The following SLC2A9 variants were observed in gnomAD, a reference collection of about 807,000 sequenced individuals.
The protein encoded by SLC2A9 is solute carrier family 2 member 9.
Under a neutral mutation model 50.6 loss-of-function variants are expected in SLC2A9, and 39 were observed. The ratio of observed to expected loss-of-function variants is 0.77; its 90% confidence interval spans 0.60 to 1.01. The LOEUF is 1.01. Ranked by LOEUF, SLC2A9 falls within the 50% of genes least tolerant of loss-of-function variation. The pLI, the probability that SLC2A9 is intolerant of heterozygous loss-of-function variation, is 0.00. For synonymous variants in SLC2A9, 324 were observed against 276.9 expected, an observed-to-expected ratio of 1.17 and a Z score of -1.69; for missense variants, 686 against 677.6, an observed-to-expected ratio of 1.01 and a Z score of -0.14.
At chr4:9,948,555 T>C (rs1749628218) in intron 5 of SLC2A9, among the ~76,000 whole-genome samples, 1 of 152,220 alleles carries the variant, frequency 6.6e-6, no homozygotes, top group Non-Finnish European at 1.5e-5. Context: ...GAATTGCCCT[T>C]GAAGGATGTT....
intron 2 of SLC2A9, among the ~76,000 whole-genome samples, chr4:10,008,993 G>T (rs1335755788): frequency 1.7e-5 from 2 of 115,092 alleles, no homozygotes; most frequent in Non-Finnish European, 3.4e-5. Context: ...GAAAAGAGCG[G>T]GGGGTGAGGG....
At chr4:9,786,172 C>T (rs1436005568) in intron 3 of SLC2A9, among the ~76,000 whole-genome samples, 1 of 152,106 alleles carries the variant, frequency 6.6e-6, no homozygotes, top group Non-Finnish European at 1.5e-5. Context: ...GAGACCCAGC[C>T]TGAGCTGGGT....
At chr4:9,850,562 TG>T (rs1438370965) in intron 10 of SLC2A9, among the ~76,000 whole-genome samples, 1 of 152,114 alleles carries the variant, frequency 6.6e-6, no homozygotes, top group Non-Finnish European at 1.5e-5. Context: ...GGTGCTTCCC[TG>T]GGACCCTCTT....
chr4:9,857,128 G>A (rs766010370), intron 10 of SLC2A9, among the ~76,000 whole-genome samples: 7 of 152,090 alleles, frequency 4.6e-5, no homozygotes, highest in Non-Finnish European at 7.3e-5. Flanking sequence ...AGAAAAAAGC[G>A]TTCTCTGTAT....
intron 1 of SLC2A9, among the ~76,000 whole-genome samples, chr4:10,036,757 A>G (rs1764120284): frequency 6.6e-6 from 1 of 152,232 alleles, no homozygotes; most frequent in Non-Finnish European, 1.5e-5. Flanking sequence ...CTTAGCACAG[A>G]TTTCAAGAAA....
At chr4:9,869,546 C>T (rs974574317) in intron 10 of SLC2A9, among the ~76,000 whole-genome samples, 2 of 152,212 alleles carry the variant, frequency 1.3e-5, no homozygotes, top group African/African-American at 4.8e-5. Context: ...TGCTAGACCA[C>T]GGCCAACCAT....
intron 10 of SLC2A9, among the ~76,000 whole-genome samples, chr4:9,881,076 C>T (rs1415618693): frequency 1.3e-5 from 2 of 152,244 alleles, no homozygotes; most frequent in African/African-American, 2.4e-5. Flanking sequence ...GGAGTGGTTC[C>T]TGACGAGCAC....
chr4:9,789,020 TATATAC>T (rs888912654), intron 3 of SLC2A9, among the ~76,000 whole-genome samples: 1 of 152,196 alleles, frequency 6.6e-6, no homozygotes, highest in African/African-American at 2.4e-5. Flanking sequence ...TGGATACATG[TATATAC>T]ATGCACACAT....
chr4:9,917,350 T>TG (rs1305761337), intron 7 of SLC2A9, among the ~76,000 whole-genome samples: 1 of 136,974 alleles, frequency 7.3e-6, no homozygotes, highest in African/African-American at 3.0e-5. Context: ...TTTTTTTTTT[T>TG]GTGATGGAGT....
rs1454914405 is a variant in SLC2A9 at position 9,871,601 on chromosome 4, G to A, written c.1291+15966C>T. Among the ~76,000 whole-genome samples the A allele has an allele frequency of 2.6e-5, 4 of 152,050 alleles. 1 individual carries two copies. The East Asian group carries it at 7.7e-4, about 29-fold the overall frequency. On this transcript the variant is annotated intron_variant, in intron 10 of 11. Transcript: ENST00000264784. Reference sequence around the variant, plus strand: ...TACGGACACCAGACATTGAATTTAGGGGCCACCCTAAATCCAGGATGGCTT... The same window carrying A: ...TACGGACACCAGACATTGAATTTAGAGGCCACCCTAAATCCAGGATGGCTT...
chr4:9,919,171 GC>G (rs1688804523), intron 7 of SLC2A9, among the ~76,000 whole-genome samples: 1 of 152,070 alleles, frequency 6.6e-6, no homozygotes, highest in South Asian at 2.1e-4. Context: ...AACAAGCAGC[GC>G]CTCCTTCAGA....
Position 10,005,761 on chromosome 4 carries a change from C to A in SLC2A9, c.250-8820G>T, listed in dbSNP as rs567821592. 3.3e-5 allele frequency among the ~76,000 whole-genome samples: 5 copies of A among 152,336 alleles called. No individual in the cohort carries two copies. The South Asian group carries it at 1.0e-3, about 32-fold the overall frequency. ...CACTTGCTTGCATCACTGAGTCTTT[C>A]TGTGGCCTTGGGTGATCTTAAGCAA... On this transcript the variant is annotated intron_variant, in intron 2 of 11. Coordinates refer to ENST00000264784, the MANE Select transcript of SLC2A9 (RefSeq NM_020041.3).
At chr4:9,784,906 A>T (rs1719021144) in intron 3 of SLC2A9, among the ~76,000 whole-genome samples, 1 of 152,238 alleles carries the variant, frequency 6.6e-6, no homozygotes, top group African/African-American at 2.4e-5. Context: ...CCATATCTTG[A>T]TCACTGCAAA....
chr4:9,872,266 T>G (rs1420631928), intron 10 of SLC2A9, among the ~76,000 whole-genome samples: 3 of 152,150 alleles, frequency 2.0e-5, no homozygotes, highest in African/African-American at 7.2e-5. Flanking sequence ...ATCTCTCCTG[T>G]GAGTTGGGGC....
At chr4:9,992,619 C>T (rs990648996) in intron 3 of SLC2A9, among the ~76,000 whole-genome samples, 2 of 152,206 alleles carry the variant, frequency 1.3e-5, no homozygotes, top group Non-Finnish European at 2.9e-5. Flanking sequence ...CAAGCTGGGC[C>T]CATCTTATAC....
chr4:9,815,918 C>A (rs1723521514), intron 3 of SLC2A9, among the ~76,000 whole-genome samples: 1 of 152,062 alleles, frequency 6.6e-6, no homozygotes, highest in South Asian at 2.1e-4. Flanking sequence ...GCCTGTAATC[C>A]CAGCATTTTG....
At chr4:9,900,661 G>A (rs543415029) in intron 8 of SLC2A9, among the ~76,000 whole-genome samples, 8 of 152,062 alleles carry the variant, frequency 5.3e-5, no homozygotes, top group African/African-American at 7.2e-5. Context: ...AAGAACTGCC[G>A]AAGACTGGGT....
rs142137591 is a variant in SLC2A9, at chr4:9,872,522, G to A, written c.1291+15045C>T. 4.6e-3 allele frequency among the ~76,000 whole-genome samples: 703 copies of A among 152,314 alleles called. 6 individuals carry two copies. Among genetic ancestry groups the A allele is most frequent in the African/African-American group, 0.016 (663 of 41,556 alleles). ...TCCAAACGCTTGAATGAATAAATTC[G>A]ATAAATGTGTTGCTATATCGCTTGC... On this transcript the variant is annotated intron_variant, in intron 10 of 11. Transcript: ENST00000264784.
intron 6 of SLC2A9, among the ~76,000 whole-genome samples, chr4:9,925,314 C>G (rs892202574): frequency 2.0e-5 from 3 of 152,124 alleles, no homozygotes; most frequent in African/African-American, 7.2e-5. Flanking sequence ...TCATCCGGGT[C>G]GCTCTTGCAC....
Sources: gnomAD v4.1 joint callset for allele counts (sites outside exome capture counted in the v4.1 genomes callset) on GRCh38, gnomAD v4.1.1 for gene constraint, MANE v1.5 for transcripts, NCBI Gene and HGNC (gene_info 2026-07-23, HGNC 2026-07-21) for gene names.